The following EFCAB10 variants were observed in gnomAD, a reference collection of about 807,000 sequenced individuals.
EFCAB10 encodes EF-hand calcium binding domain 10.
EFCAB10 carries 7 observed loss-of-function variants against 7.7 expected under a neutral mutation model. That is an observed-to-expected ratio of 0.91 (90% confidence interval 0.52 to 1.72). The LOEUF is 1.72. Among genes scored for constraint, EFCAB10 ranks in the 40% most tolerant of loss-of-function variants. The pLI is 0.00. For missense variants in EFCAB10, 112 were observed against 61.5 expected, an observed-to-expected ratio of 1.82 and a Z score of -2.74; for synonymous variants, 52 against 21.0, an observed-to-expected ratio of 2.47 and a Z score of -4.03.
At chr7:105,574,154 A>ACCCATATG (rs1792013191) in intron 1 of EFCAB10, among the ~76,000 whole-genome samples, 3 of 138,456 alleles carry the variant, frequency 2.2e-5, no homozygotes, top group East Asian at 2.1e-4. Flanking sequence ...ATACACATAC[A>ACCCATATG]TATATATACA....
chr7:105,567,365 A>G (rs1705272530), intron 4 of EFCAB10, 102 bp downstream of exon 4: 9 of 1,228,204 alleles, frequency 7.3e-6, no homozygotes, highest in Non-Finnish European at 8.2e-6. Context: ...GAGGAAGCCA[A>G]TTGGATTTCA....
Position 105,567,171 on chromosome 7 carries a change from C to G in EFCAB10, c.383+296G>C, listed in dbSNP as rs146607996. 2 of 1,606,150 alleles carry G rather than the reference C, an allele frequency of 1.2e-6. No homozygotes were observed. The highest frequency in any genetic ancestry group is 2.7e-5 in the African/African-American group (2 of 74,446). On this transcript the variant is annotated intron_variant, in intron 4 of 4. Transcript: ENST00000480514. Reference sequence around the variant, plus strand: ...TTTGAACGTCGGTTCTGCACTACTGCTGAAAGATGTACTGCAGTCAGCTTC... The same window carrying G: ...TTTGAACGTCGGTTCTGCACTACTGGTGAAAGATGTACTGCAGTCAGCTTC...
chr7:105,576,210 C>T, intron 1 of EFCAB10, among the ~76,000 whole-genome samples: 1 of 152,114 alleles, frequency 6.6e-6, no homozygotes, highest in Non-Finnish European at 1.5e-5. Context: ...TTCAAAGAAA[C>T]TTCTTATGCC....
chr7:105,571,364 A>G (rs1241883886), intron 1 of EFCAB10: 2 of 152,222 alleles, frequency 1.3e-5, no homozygotes, highest in African/African-American at 4.8e-5. Flanking sequence ...CACAGCTTTC[A>G]ATGGAAAATT....
At chr7:105,581,289 A>AG (rs994552821) in intron 1 of EFCAB10, 69 bp downstream of exon 1, 5 of 687,446 alleles carry the variant, frequency 7.3e-6, no homozygotes, top group African/African-American at 7.0e-5. Flanking sequence ...AATGTGTAAG[A>AG]GGGGGGTTTC....
Position 105,570,211 on chromosome 7 carries a change from C to CAAAAA in EFCAB10, c.107-645_107-641dup, listed in dbSNP as rs1178986135. Among the ~76,000 whole-genome samples the CAAAAA allele has an allele frequency of 2.5e-3, 44 of 17,354 alleles. 14 individuals are homozygous for CAAAAA. In the East Asian group the frequency reaches 0.046, roughly 18 times the overall value. 11.4% of individuals were successfully genotyped at this position (17,354 alleles called of 152,430 possible). A position where few individuals can be genotyped will look rare whatever the true frequency, so the allele number is the denominator to read the frequency against. On this transcript the variant is annotated intron_variant, in intron 1 of 4. Coordinates refer to ENST00000480514, the MANE Select transcript of EFCAB10 (RefSeq NM_001355526.2). ...CCTGGGCAACAGAGCAAGACTCTCTCAAAAAAAAAAAAAAAAAAAAAAAAA... is the reference window on the plus strand; with the variant it reads ...CCTGGGCAACAGAGCAAGACTCTCTCAAAAAAAAAAAAAAAAAAAAAAAAAAAAAA...
chr7:105,566,134 C>T (rs1791727121), intron 4 of EFCAB10, among the ~76,000 whole-genome samples: 1 of 150,456 alleles, frequency 6.6e-6, no homozygotes, highest in Non-Finnish European at 1.5e-5. Flanking sequence ...AAAAATTAGC[C>T]AGGCCTGGTG....
At chr7:105,569,790 A>C (rs1255113694) in intron 1 of EFCAB10, among the ~76,000 whole-genome samples, 1 of 152,134 alleles carries the variant, frequency 6.6e-6, no homozygotes, top group African/African-American at 2.4e-5. Flanking sequence ...ATAGAATAGA[A>C]AACTATAGAG....
chr7:105,574,934 T>TAAAAAAAAAA (rs1209254689), intron 1 of EFCAB10, among the ~76,000 whole-genome samples: 1 of 103,564 alleles, frequency 9.7e-6, no homozygotes, highest in Non-Finnish European at 2.1e-5. Context: ...TATCCCTACT[T>TAAAAAAAAAA]AAAAAAAAAA....
At chr7:105,566,306 T>TAAAC (rs1477287091) in intron 4 of EFCAB10, 1 of 152,190 alleles carries the variant, frequency 6.6e-6, no homozygotes. Flanking sequence ...TTTGTTTCCT[T>TAAAC]AAACATTTGA....
At chr7:105,566,237 CAA>C (rs58538270) in intron 4 of EFCAB10, 6 of 126,204 alleles carry the variant, frequency 4.8e-5, no homozygotes, top group African/African-American at 8.7e-5. Context: ...AAGACTGTCT[CAA>C]AAAAAAAAAA....
intron 1 of EFCAB10, among the ~76,000 whole-genome samples, chr7:105,575,708 A>T (rs1250023275): frequency 6.6e-6 from 1 of 152,094 alleles, no homozygotes; most frequent in African/African-American, 2.4e-5. Flanking sequence ...CTCCTCTGTA[A>T]TTCCAAGGTT....
At chr7:105,570,722 T>C (rs1206995887) in intron 1 of EFCAB10, among the ~76,000 whole-genome samples, 3 of 152,080 alleles carry the variant, frequency 2.0e-5, no homozygotes, top group Non-Finnish European at 4.4e-5. Flanking sequence ...ACTCATATTT[T>C]CTTTCAAAAA....
intron 1 of EFCAB10, among the ~76,000 whole-genome samples, chr7:105,570,225 AAAAAAAAAAAAAAAAAT>A (rs1374933023): frequency 1.3e-4 from 9 of 67,508 alleles, no homozygotes; most frequent in African/African-American, 6.0e-4. Context: ...AAAAAAAAAA[AAAAAAAAAAAAAAAAAT>A]ATATATATAT....
chr7:105,569,023 C>T (rs1249431315), intron 3 of EFCAB10, among the ~76,000 whole-genome samples, 180 bp downstream of exon 3: 2 of 151,830 alleles, frequency 1.3e-5, no homozygotes, highest in Non-Finnish European at 2.9e-5. Context: ...TTTTCCCTTC[C>T]TATTCCCAAG....
At chr7:105,565,684 C>A in intron 4 of EFCAB10, 1 of 1,350,264 alleles carries the variant, frequency 7.4e-7, no homozygotes, top group Non-Finnish European at 1.1e-6. Context: ...ATTAATGTAT[C>A]AAATTGTTAC....
intron 4 of EFCAB10, chr7:105,566,736 T>TA (rs1791766841): frequency 6.5e-6 from 1 of 153,436 alleles, no homozygotes; most frequent in Non-Finnish European, 1.5e-5. Context: ...TTTACACGTT[T>TA]CATAGGACTG....
At chr7:105,568,501 A>C (rs1791851074) in intron 3 of EFCAB10, among the ~76,000 whole-genome samples, 1 of 152,220 alleles carries the variant, frequency 6.6e-6, no homozygotes, top group African/African-American at 2.4e-5. Context: ...GATAATTTTG[A>C]GGAAATATTT....
At chr7:105,565,898 A>G (rs1016255166) in intron 4 of EFCAB10, among the ~76,000 whole-genome samples, 4 of 152,020 alleles carry the variant, frequency 2.6e-5, no homozygotes, top group Non-Finnish European at 5.9e-5. Context: ...ATTTGGTTTA[A>G]TGCTTCTAGT....
Sources: gnomAD v4.1 joint callset for allele counts (sites outside exome capture counted in the v4.1 genomes callset) on GRCh38, gnomAD v4.1.1 for gene constraint, MANE v1.5 for transcripts, NCBI Gene and HGNC (gene_info 2026-07-23, HGNC 2026-07-21) for gene names.